The following TENM2 variants were observed in gnomAD, a reference collection of about 807,000 sequenced individuals.
The protein encoded by TENM2 is teneurin transmembrane protein 2, also known as teneurin-2.
In TENM2, 52 loss-of-function variants were observed where a neutral mutation model predicts 245.2. The observed-to-expected ratio is 0.21, with a 90% CI of 0.17 to 0.27. TENM2 has a LOEUF of 0.27. Ranked by LOEUF, TENM2 falls within the 10% of genes least tolerant of loss-of-function variation. TENM2 has a pLI of 1.00. For synonymous variants in TENM2, 1,363 were observed against 1,438.9 expected, an observed-to-expected ratio of 0.95 and a Z score of 1.19; for missense variants, 3,046 against 3,666.8, an observed-to-expected ratio of 0.83 and a Z score of 4.37.
chr5:168,148,811 G>T (rs949515149), intron 12 of TENM2, among the ~76,000 whole-genome samples: 1 of 152,092 alleles, frequency 6.6e-6, no homozygotes, highest in East Asian at 1.9e-4. Flanking sequence ...CATCTTCACA[G>T]GATTTAGACA....
chr5:168,150,782 C>T (rs1340790758), intron 12 of TENM2, among the ~76,000 whole-genome samples: 2 of 152,186 alleles, frequency 1.3e-5, no homozygotes, highest in Non-Finnish European at 2.9e-5. Context: ...TAGGGGGGCG[C>T]AAAGTGCATG....
chr5:167,560,636 A>G (rs994047497), intron 2 of TENM2, among the ~76,000 whole-genome samples: 1 of 152,210 alleles, frequency 6.6e-6, no homozygotes, highest in African/African-American at 2.4e-5. Context: ...CATAATTGCT[A>G]TCTCATAGGT....
At chr5:167,462,204 A>G (rs6876770) in intron 2 of TENM2, among the ~76,000 whole-genome samples, 112,110 of 114,376 alleles carry the variant, frequency 0.98, 54,987 homozygotes, top group East Asian at 1. Flanking sequence ...ATTGCAGGAC[A>G]TGCAACAGGG....
chr5:168,205,330 AGT>A (rs1562279676), intron 19 of TENM2, among the ~76,000 whole-genome samples: 1 of 151,868 alleles, frequency 6.6e-6, no homozygotes, highest in East Asian at 1.9e-4. Flanking sequence ...AAAAAAAAAA[AGT>A]GGGGTCAAAC....
At chr5:167,436,334 A>G (rs7710345) in intron 2 of TENM2, among the ~76,000 whole-genome samples, 16,357 of 151,542 alleles carry the variant, frequency 0.11, 1,895 homozygotes, top group African/African-American at 0.29. Context: ...TGTTCCCCCC[A>G]CCTCAGCCTC....
At chr5:167,951,878 G>GTGTA (rs1229296280) in intron 3 of TENM2, among the ~76,000 whole-genome samples, 2 of 151,650 alleles carry the variant, frequency 1.3e-5, no homozygotes, top group African/African-American at 4.8e-5. Flanking sequence ...GCAAATATGT[G>GTGTA]TGTATACACA....
chr5:168,054,789 A>G (rs1453898233), intron 6 of TENM2, among the ~76,000 whole-genome samples: 4 of 151,530 alleles, frequency 2.6e-5, no homozygotes, highest in Admixed American at 2.6e-4. Context: ...TCACATTTAC[A>G]TGAGCAATCT....
chr5:167,122,768 T>C, the TENM2 span, among the ~76,000 whole-genome samples: 6 of 152,100 alleles, frequency 3.9e-5, no homozygotes, highest in Non-Finnish European at 8.8e-5. Flanking sequence ...TTTGCCTATT[T>C]CTAGAGGCAG....
At chr5:168,073,136 G>A (rs1791169585) in intron 7 of TENM2, among the ~76,000 whole-genome samples, 1 of 152,174 alleles carries the variant, frequency 6.6e-6, no homozygotes, top group Non-Finnish European at 1.5e-5. Flanking sequence ...TACCCTGCTA[G>A]CACTATGCTC....
At chr5:167,682,468 T>G (rs1561667965) in intron 2 of TENM2, among the ~76,000 whole-genome samples, 1 of 152,142 alleles carries the variant, frequency 6.6e-6, no homozygotes, top group Non-Finnish European at 1.5e-5. Context: ...TGGATGAGAA[T>G]GCCTTTTCAT....
chr5:168,076,789 C>T (rs1791515481), intron 7 of TENM2, among the ~76,000 whole-genome samples: 1 of 152,154 alleles, frequency 6.6e-6, no homozygotes, highest in African/African-American at 2.4e-5. Flanking sequence ...GACCCTTAGG[C>T]CTTCTAAGTG....
At chr5:167,273,391 C>G in the TENM2 span, among the ~76,000 whole-genome samples, 2 of 152,160 alleles carry the variant, frequency 1.3e-5, no homozygotes, top group Non-Finnish European at 2.9e-5. Flanking sequence ...ATCCTTCCTA[C>G]TGCTTCAAGG....
chr5:167,839,425 C>T (rs12521018), intron 2 of TENM2, among the ~76,000 whole-genome samples: 21,518 of 152,060 alleles, frequency 0.14, 3,059 homozygotes, highest in East Asian at 0.66. Context: ...TGTCATATGA[C>T]ATTTGTTAGC....
chr5:167,421,737 C>T (rs953094255), intron 2 of TENM2, among the ~76,000 whole-genome samples: 3 of 152,154 alleles, frequency 2.0e-5, no homozygotes, highest in African/African-American at 7.2e-5. Context: ...GTGAATATAA[C>T]ATGAGCTAGT....
chr5:168,126,074 T>G (rs1275200013), intron 11 of TENM2, among the ~76,000 whole-genome samples: 3 of 152,234 alleles, frequency 2.0e-5, no homozygotes, highest in Non-Finnish European at 4.4e-5. Flanking sequence ...AGTGCATATC[T>G]GTCTGTCTGC....
At position 168,236,967 on chromosome 5, in the gene TENM2, TATATATATATATATATATATATATATATA is replaced by T. The variant is rs1562318811; in HGVS notation, c.5521-7452_5521-7424del. ...ATATATATATATATATATATATATA[TATATATATATATATATATATATATATATA>T]TATATTTTTTTTTTTTTTTTTTTTT... On this transcript the variant is annotated intron_variant, in intron 25 of 28. Coordinates refer to ENST00000518659, the Ensembl canonical transcript of TENM2. 6.0e-3 allele frequency among the ~76,000 whole-genome samples: 32 copies of T among 5,302 alleles called. 1 individual carries two copies. The highest frequency in any genetic ancestry group is 9.7e-3 in the East Asian group (2 of 206). The allele number at this position is 5,302 out of a possible 152,430, so 3.5% of individuals were successfully genotyped here.
At chr5:168,248,623 C>T (rs1562335934) in intron 27 of TENM2, among the ~76,000 whole-genome samples, 1 of 152,220 alleles carries the variant, frequency 6.6e-6, no homozygotes, top group Non-Finnish European at 1.5e-5. Flanking sequence ...TATAAGAGCC[C>T]TTCCTACCCC....
the TENM2 span, among the ~76,000 whole-genome samples, chr5:167,018,341 C>G: frequency 6.6e-6 from 1 of 150,856 alleles, no homozygotes; most frequent in Non-Finnish European, 1.5e-5. Flanking sequence ...AGCTAATTAT[C>G]AAAATGCTTG....
chr5:167,298,441 A>C (rs1755094093), intron 1 of TENM2, among the ~76,000 whole-genome samples: 1 of 152,278 alleles, frequency 6.6e-6, no homozygotes, highest in Admixed American at 6.5e-5. Context: ...TTCTTTACTA[A>C]AAATACAAAA....
Sources: allele counts gnomAD v4.1 joint callset (sites outside exome capture counted in the v4.1 genomes callset), GRCh38; gene constraint gnomAD v4.1.1; transcripts MANE v1.5; gene names NCBI Gene and HGNC (gene_info 2026-07-23, HGNC 2026-07-21).